ARHGAP24: variants seen among roughly 807,000 people sequenced by gnomAD.
ARHGAP24 encodes rho GTPase-activating protein 24.
ARHGAP24 carries 50 observed loss-of-function variants against 76.4 expected under a neutral mutation model. The observed-to-expected ratio is 0.65, with a 90% CI of 0.52 to 0.83. The LOEUF (loss-of-function observed/expected upper bound fraction) is 0.83, where lower values mean the gene tolerates loss of function less well. Ranked by LOEUF, ARHGAP24 falls within the 40% of genes least tolerant of loss-of-function variation. The probability of loss-of-function intolerance (pLI) is 0.00; values close to 1 mark genes in which losing one functional copy is unlikely to be tolerated. For synonymous variants in ARHGAP24, 345 were observed against 323.3 expected (o/e 1.07, Z -0.72); for missense variants, 930 against 914.2 (o/e 1.02, Z -0.22).
chr4:85,562,522 A>G (rs1202425416), intron 1 of ARHGAP24, among the ~76,000 whole-genome samples: 2 of 138,864 alleles, frequency 1.4e-5, no homozygotes, highest in Admixed American at 1.6e-4. Context: ...ACAGGGTAGA[A>G]CATGGAGATT....
intron 2 of ARHGAP24, among the ~76,000 whole-genome samples, chr4:85,592,447 C>T (rs891432620): frequency 1.1e-4 from 17 of 152,154 alleles, no homozygotes; most frequent in South Asian, 2.1e-4. Flanking sequence ...ATGGTGTATC[C>T]ATAACCTCAA....
chr4:85,762,885 A>G (rs1726784489), intron 3 of ARHGAP24, among the ~76,000 whole-genome samples: 2 of 152,220 alleles, frequency 1.3e-5, no homozygotes, highest in Admixed American at 6.5e-5. Context: ...CTTTCTTTTA[A>G]CAAAAGAAAA....
At chr4:85,841,720 T>C (rs345329) in intron 3 of ARHGAP24, among the ~76,000 whole-genome samples, 147,166 of 152,314 alleles carry the variant, frequency 0.97, 71,297 homozygotes, top group East Asian at 1. Context: ...CCAGCCTCAT[T>C]CAAGTACACC....
At chr4:85,656,956 A>G (rs1722199469) in intron 2 of ARHGAP24, among the ~76,000 whole-genome samples, 1 of 123,976 alleles carries the variant, frequency 8.1e-6, no homozygotes. Flanking sequence ...CTGCTTTAAA[A>G]AAAATGTTTA....
intron 2 of ARHGAP24, among the ~76,000 whole-genome samples, chr4:85,662,735 T>A (rs1339068457): frequency 6.6e-6 from 1 of 152,226 alleles, no homozygotes; most frequent in Non-Finnish European, 1.5e-5. Flanking sequence ...TTTCTACATA[T>A]GGCCAGCCAG....
chr4:85,915,633 G>A (rs346512), intron 3 of ARHGAP24, among the ~76,000 whole-genome samples: 97,157 of 150,440 alleles, frequency 0.65, 32,041 homozygotes, highest in East Asian at 0.99. Flanking sequence ...ATGTGTTCTC[G>A]TCGTTCAACT....
At chr4:85,532,614 T>A (rs1309572945) in intron 1 of ARHGAP24, among the ~76,000 whole-genome samples, 1 of 152,202 alleles carries the variant, frequency 6.6e-6, no homozygotes, top group Non-Finnish European at 1.5e-5. Context: ...TATTATGTTT[T>A]GTGATCTTTG....
At chr4:85,896,831 G>A (rs928667933) in intron 3 of ARHGAP24, among the ~76,000 whole-genome samples, 1 of 151,978 alleles carries the variant, frequency 6.6e-6, no homozygotes, top group Non-Finnish European at 1.5e-5. Context: ...ATTGGTCTGG[G>A]TTGCTGCTCA....
intron 3 of ARHGAP24, among the ~76,000 whole-genome samples, chr4:85,827,012 T>C (rs530128499): frequency 6.6e-6 from 1 of 152,300 alleles, no homozygotes; most frequent in African/African-American, 2.4e-5. Context: ...AATAAAAACT[T>C]AGACTCTACA....
At chr4:85,544,752 G>T (rs1018356731) in intron 1 of ARHGAP24, among the ~76,000 whole-genome samples, 2 of 152,042 alleles carry the variant, frequency 1.3e-5, no homozygotes, top group African/African-American at 4.8e-5. Flanking sequence ...CAATGAGTCA[G>T]ACATGTTAAA....
At chr4:85,734,530 G>T (rs1195735317) in intron 3 of ARHGAP24, among the ~76,000 whole-genome samples, 1 of 151,466 alleles carries the variant, frequency 6.6e-6, no homozygotes, top group Non-Finnish European at 1.5e-5. Context: ...TTTCTGTAGT[G>T]AATTACCAAC....
At chr4:85,962,636 A>G (rs1261430083) in intron 5 of ARHGAP24, among the ~76,000 whole-genome samples, 1 of 151,950 alleles carries the variant, frequency 6.6e-6, no homozygotes, top group African/African-American at 2.4e-5. Flanking sequence ...AATCTTTTAA[A>G]TCATTCTTGC....
chr4:85,946,176 C>T (rs1310880735), intron 5 of ARHGAP24, among the ~76,000 whole-genome samples: 1 of 152,186 alleles, frequency 6.6e-6, no homozygotes, highest in Non-Finnish European at 1.5e-5. Context: ...CCACCTCCCA[C>T]CAGGGTCCTC....
chr4:85,584,028 G>T (rs1026077037), intron 2 of ARHGAP24, among the ~76,000 whole-genome samples: 1 of 149,252 alleles, frequency 6.7e-6, no homozygotes, highest in African/African-American at 2.6e-5. Flanking sequence ...GTGGAAGTCA[G>T]TGTGGCGATT....
At chr4:85,818,865 C>A (rs1729354735) in intron 3 of ARHGAP24, among the ~76,000 whole-genome samples, 1 of 152,178 alleles carries the variant, frequency 6.6e-6, no homozygotes, top group Non-Finnish European at 1.5e-5. Flanking sequence ...ATGTCTATTG[C>A]ATCTGCTATT....
At chr4:85,964,986 C>T (rs1212377125) in intron 5 of ARHGAP24, among the ~76,000 whole-genome samples, 2 of 152,032 alleles carry the variant, frequency 1.3e-5, no homozygotes, top group Admixed American at 6.6e-5. Context: ...GGAGTCTCTA[C>T]ACACATGCCT....
rs570604184 is a variant in ARHGAP24, at chr4:85,670,915, A to C, written c.181-50970A>C. On this transcript the variant is annotated intron_variant, in intron 2 of 9. Transcript: ENST00000395184. ...GAATGTTTAAGAAAATGTACATAAA[A>C]GTCTTTACCCAAGACCTACAAAATT... is the stretch of plus-strand genomic sequence containing the variant. 3.0e-4 allele frequency among the ~76,000 whole-genome samples: 45 copies of C among 152,306 alleles called. No homozygotes were observed. The South Asian group carries it at 8.5e-3, about 29-fold the overall frequency.
intron 2 of ARHGAP24, among the ~76,000 whole-genome samples, chr4:85,578,644 A>G (rs191764801): frequency 8.1e-4 from 123 of 152,278 alleles, no homozygotes; most frequent in African/African-American, 2.9e-3. Context: ...TAAAATACCT[A>G]TCTCAGAATA....
intron 3 of ARHGAP24, among the ~76,000 whole-genome samples, chr4:85,777,458 T>C (rs1409474209): frequency 6.6e-6 from 1 of 152,174 alleles, no homozygotes; most frequent in Non-Finnish European, 1.5e-5. Flanking sequence ...AGGAGCCAGA[T>C]CAAATGGAAA....
Sources: gnomAD v4.1 joint callset for allele counts (sites outside exome capture counted in the v4.1 genomes callset) on GRCh38, gnomAD v4.1.1 for gene constraint, MANE v1.5 for transcripts, NCBI Gene and HGNC (gene_info 2026-07-23, HGNC 2026-07-21) for gene names.